SNRPD3: variants seen among roughly 807,000 people sequenced by gnomAD.
SNRPD3 encodes small nuclear ribonucleoprotein D3 polypeptide.
For synonymous variants in SNRPD3, 66 were observed against 58.4 expected (o/e 1.13, Z -0.59); for missense variants, 73 against 167.5 (o/e 0.44, Z 3.11).
intron 2 of SNRPD3, among the ~76,000 whole-genome samples, chr22:24,567,746 CA>C (rs113889996): frequency 2.4e-4 from 20 of 82,322 alleles, no homozygotes; most frequent in Admixed American, 2.8e-4. Context: ...AACTCCATCT[CA>C]AAAAAAAAAG....
chr22:24,561,969 C>T (rs2045147904), intron 2 of SNRPD3, among the ~76,000 whole-genome samples: 1 of 152,134 alleles, frequency 6.6e-6, no homozygotes, highest in Non-Finnish European at 1.5e-5. Context: ...CCACTGCACT[C>T]CAGCCTGGGC....
rs114095246 is a variant in SNRPD3, at chr22:24,557,740, G to A, written c.66G>A (p.Thr22=). ...AGGGCCACATTGTGACATGTGAGAC[G>A]AACACCGGTGAGGTATATCGGGGGA... ...EAEGHIVTCE[T]NTGEVYRGKL... is the part of the protein sequence containing the mutation. The change falls in exon 2 of 4, where the codon ACG becomes ACA. Residue 22 remains threonine, a synonymous_variant. Coordinates refer to ENST00000215829, the MANE Select transcript of SNRPD3 (RefSeq NM_004175.5). 146 of 1,612,300 alleles carry A rather than the reference G, an allele frequency of 9.1e-5. 1 individual carries two copies. In the African/African-American group the frequency reaches 1.5e-3, roughly 17 times the overall value.
In SNRPD3 at chr22:24,557,654, T is replaced by C. The variant is rs113181999; in HGVS notation, c.-18-3T>C. 2 of 1,609,556 alleles carry C rather than the reference T, an allele frequency of 1.2e-6. No individual in the cohort carries two copies. The highest frequency in any genetic ancestry group is 1.7e-5 in the Admixed American group (1 of 59,672). ...GAACTGACTGTTGTCTCTCTCATTG[T>C]AGAACTCTCTTCCTGCCAAGATGTC... On this transcript the variant is annotated splice_polypyrimidine_tract_variant and splice_region_variant and intron_variant, in intron 1 of 3. Transcript: ENST00000215829.
Position 24,557,746 on chromosome 22 carries a change from C to T in SNRPD3, c.72C>T (p.Thr24=), listed in dbSNP as rs140985880. Residue 24 remains threonine, a synonymous_variant, in exon 2 of 4, where the codon ACC becomes ACT. Transcript: ENST00000215829. ...ACATTGTGACATGTGAGACGAACAC[C>T]GGTGAGGTATATCGGGGGAAGCTCA... ...EGHIVTCETN[T]GEVYRGKLIE... 265 of 1,611,920 alleles carry T rather than the reference C, an allele frequency of 1.6e-4. No homozygotes were observed. The African/African-American group carries it at 2.6e-3, about 16-fold the overall frequency.
upstream of SNRPD3, chr22:24,555,971 G>T: frequency 1.2e-6 from 1 of 829,246 alleles, no homozygotes; most frequent in Non-Finnish European, 1.9e-6. Context: ...TTTTGGGAAA[G>T]AGTGGAATTC....
At chr22:24,571,825 T>C in intron 3 of SNRPD3, 91 bp from the exon 4 acceptor site, 1 of 1,305,822 alleles carries the variant, frequency 7.7e-7, no homozygotes, top group South Asian at 1.2e-5. Flanking sequence ...TCAGAACCCT[T>C]CTAACTGGTG....
At chr22:24,571,252 A>C (rs1395571103) in intron 3 of SNRPD3, among the ~76,000 whole-genome samples, 1 of 152,226 alleles carries the variant, frequency 6.6e-6, no homozygotes, top group Non-Finnish European at 1.5e-5. Context: ...AATGTTTTTC[A>C]GCTCACCCAA....
Position 24,572,048 on chromosome 22 carries a change from T to C in SNRPD3, c.*71T>C, listed in dbSNP as rs1298149414. 1.3e-6 allele frequency: 2 copies of C among 1,599,100 alleles called. No homozygotes were observed. Among genetic ancestry groups the C allele is most frequent in the Non-Finnish European group, 1.7e-6 (2 of 1,172,306 alleles). ...CTGAGTTCATTGGAGTGGGTGCTTGTGCATATATGCTAGGTATCTTTTGCC... is the reference window on the plus strand; with the variant it reads ...CTGAGTTCATTGGAGTGGGTGCTTGCGCATATATGCTAGGTATCTTTTGCC... On this transcript the variant is annotated 3_prime_UTR_variant, in exon 4 of 4. Transcript: ENST00000215829.
At chr22:24,568,376 T>C (rs1391894950) in intron 3 of SNRPD3, among the ~76,000 whole-genome samples, 200 bp downstream of exon 3, 2 of 151,734 alleles carry the variant, frequency 1.3e-5, no homozygotes, top group Non-Finnish European at 2.9e-5. Flanking sequence ...GAGTCTCGCT[T>C]TGTCACCCAG....
intron 1 of SNRPD3, 90 bp from the exon 2 acceptor site, chr22:24,557,567 G>T: frequency 2.3e-6 from 2 of 855,912 alleles, no homozygotes; most frequent in Non-Finnish European, 3.7e-6. Context: ...TAAGTTTTAT[G>T]GAGTGCCAGG....
chr22:24,562,159 T>A (rs1216529729), intron 2 of SNRPD3, among the ~76,000 whole-genome samples: 2 of 152,206 alleles, frequency 1.3e-5, no homozygotes, highest in African/African-American at 4.8e-5. Flanking sequence ...CTGCCCTGTT[T>A]TGGGGTTTTA....
intron 2 of SNRPD3, among the ~76,000 whole-genome samples, chr22:24,561,064 CTTTTTTTTTTTT>C (rs1164120857): frequency 0.039 from 2,382 of 61,762 alleles, 58 homozygotes; most frequent in Middle Eastern, 0.11. Flanking sequence ...TTTTTCTTTT[CTTTTTTTTTTTT>C]TTTTTTTTTT....
rs913763970 is a variant in SNRPD3, at chr22:24,574,217, C to A, written c.*2240C>A. 2.0e-5 allele frequency among the ~76,000 whole-genome samples: 3 copies of A among 152,168 alleles called. No individual in the cohort carries two copies. Among genetic ancestry groups the A allele is most frequent in the African/African-American group, 7.2e-5 (3 of 41,450 alleles). On this transcript the variant is annotated 3_prime_UTR_variant, in exon 4 of 4. Transcript: ENST00000215829. ...GACTTTTGATGTAGTTCACTCTGGA[C>A]CCGTACAGGAACACCAGCCTTGCAG...
intron 3 of SNRPD3, among the ~76,000 whole-genome samples, chr22:24,568,494 C>T (rs2045216817): frequency 6.6e-6 from 1 of 151,226 alleles, no homozygotes; most frequent in African/African-American, 2.4e-5. Context: ...GTGCGCACTG[C>T]CCTGCCTAGC....
At chr22:24,563,252 A>ATGTG (rs1312788509) in intron 2 of SNRPD3, among the ~76,000 whole-genome samples, 5 of 10,328 alleles carry the variant, frequency 4.8e-4, no homozygotes, top group African/African-American at 8.0e-4. Flanking sequence ...GTATGTGTGT[A>ATGTG]TGTATGTATA....
intron 2 of SNRPD3, among the ~76,000 whole-genome samples, chr22:24,565,003 C>G (rs1359865825): frequency 1.3e-5 from 2 of 151,616 alleles, no homozygotes; most frequent in African/African-American, 4.9e-5. Context: ...CCCACCTCAG[C>G]CTCCCAAGTA....
chr22:24,560,428 CTTTTTTTTTTTTTTTTTTTT>C lies in SNRPD3; in HGVS notation c.126+2647_126+2666del, dbSNP rs60835175. On this transcript the variant is annotated intron_variant, in intron 2 of 3. Coordinates refer to ENST00000215829, the MANE Select transcript of SNRPD3 (RefSeq NM_004175.5). ...TGAGCCACCATGCCCAGCTTGCTTGCTTTTTTTTTTTTTTTTTTTTTTTTTTTTTTTTTTTTTTGAGAGTC... is the reference window on the plus strand; with the variant it reads ...TGAGCCACCATGCCCAGCTTGCTTGCTTTTTTTTTTTTTTTTTTGAGAGTC... 5.3e-3 allele frequency among the ~76,000 whole-genome samples: 258 copies of C among 49,088 alleles called. 5 individuals carry two copies. The highest frequency in any genetic ancestry group is 0.02 in the African/African-American group (248 of 12,604). The allele number at this position is 49,088 out of a possible 152,430, so 32.2% of individuals were successfully genotyped here.
Position 24,573,711 on chromosome 22 carries a change from C to T in SNRPD3, c.*1734C>T, listed in dbSNP as rs80036676. On this transcript the variant is annotated 3_prime_UTR_variant, in exon 4 of 4. Transcript: ENST00000215829. ...GCTGTTAAGCTTTGTTAACCAAGAC[C>T]GCATCTCTACAAAAAATTGAAAAGT... 2.6e-5 allele frequency among the ~76,000 whole-genome samples: 4 copies of T among 152,136 alleles called. No individual in the cohort carries two copies. Among genetic ancestry groups the T allele is most frequent in the East Asian group, 1.9e-4 (1 of 5,204 alleles).
At chr22:24,568,261 A>G in intron 3 of SNRPD3, 85 bp downstream of exon 3, 1 of 1,073,214 alleles carries the variant, frequency 9.3e-7, no homozygotes, top group Non-Finnish European at 1.4e-6. Flanking sequence ...CTGGAGACAG[A>G]GAGGGTTTGA....
Sources: allele counts gnomAD v4.1 joint callset (sites outside exome capture counted in the v4.1 genomes callset), GRCh38; gene constraint gnomAD v4.1.1; transcripts MANE v1.5; gene names NCBI Gene and HGNC (gene_info 2026-07-23, HGNC 2026-07-21).